The following PTPRD variants were observed in gnomAD, a reference collection of about 807,000 sequenced individuals.
The protein encoded by PTPRD is receptor-type tyrosine-protein phosphatase delta.
PTPRD carries 34 observed loss-of-function variants against 214.5 expected under a neutral mutation model. The ratio of observed to expected loss-of-function variants is 0.16; its 90% CI spans 0.12 to 0.21. The LOEUF is 0.21. Among genes scored for constraint, PTPRD ranks in the 10% least tolerant of loss-of-function variants. The pLI, the probability that PTPRD is intolerant of heterozygous loss-of-function variation, is 1.00. For synonymous variants in PTPRD, 1,128 were observed against 845.7 expected (o/e 1.33, Z -5.79); for missense variants, 2,545 against 2,398.7 (o/e 1.06, Z -1.27).
At chr9:8,346,533 C>T (rs1857779846) in intron 39 of PTPRD, among the ~76,000 whole-genome samples, 2 of 152,056 alleles carry the variant, frequency 1.3e-5, no homozygotes, top group African/African-American at 4.8e-5. Context: ...AATCTCAAGC[C>T]CTCCCTTTCC....
At chr9:9,419,505 T>G (rs1258254301) in intron 8 of PTPRD, among the ~76,000 whole-genome samples, 1 of 151,798 alleles carries the variant, frequency 6.6e-6, no homozygotes, top group Non-Finnish European at 1.5e-5. Context: ...TCCATGATGT[T>G]GGGAAGGTTT....
In PTPRD at chr9:8,518,111, C is replaced by T. The variant is rs2097819534; in HGVS notation, c.1280G>A (p.Arg427Gln). The change falls in exon 21 of 46, where the codon CGA (arginine) becomes CAA (glutamine). Residue 427 changes from arginine to glutamine, a missense_variant. Coordinates refer to ENST00000381196, the MANE Select transcript of PTPRD (RefSeq NM_002839.4). ...PSSAPRDVQA[R>Q]MLSSTTILVQ... ...CAAAATGGTGGTCGAACTCAACATT[C>T]GTGCCTGGACATCCCTCGGGGCACT... 4 of 1,614,124 alleles carry T rather than the reference C, an allele frequency of 2.5e-6. No homozygotes were observed. The highest frequency in any genetic ancestry group is 2.2e-5 in the East Asian group (1 of 44,876).
chr9:10,130,583 A>G (rs2098859092), intron 3 of PTPRD, among the ~76,000 whole-genome samples: 1 of 152,184 alleles, frequency 6.6e-6, no homozygotes, highest in Non-Finnish European at 1.5e-5. Context: ...ACTGAACTGC[A>G]TTAAACACAA....
intron 14 of PTPRD, among the ~76,000 whole-genome samples, chr9:8,601,507 A>T (rs74365815): frequency 0.038 from 5,803 of 152,088 alleles, 148 homozygotes; most frequent in Middle Eastern, 0.078. Flanking sequence ...TTTTTCTATG[A>T]CCTCACCCTT....
chr9:10,130,480 T>C (rs1269523070), intron 3 of PTPRD, among the ~76,000 whole-genome samples: 4 of 152,096 alleles, frequency 2.6e-5, no homozygotes, highest in African/African-American at 9.7e-5. Context: ...TTTTTCTACT[T>C]AACTGTGGGT....
At chr9:10,585,739 T>C (rs1246781367) in intron 2 of PTPRD, among the ~76,000 whole-genome samples, 1 of 151,402 alleles carries the variant, frequency 6.6e-6, no homozygotes, top group Non-Finnish European at 1.5e-5. Context: ...ACACCACACA[T>C]AACACACACA....
chr9:10,418,091 A>G (rs1206661577), intron 2 of PTPRD, among the ~76,000 whole-genome samples: 4 of 151,850 alleles, frequency 2.6e-5, no homozygotes, highest in Admixed American at 6.6e-5. Context: ...AATTAAAACT[A>G]CAAGGCAAAG....
intron 2 of PTPRD, among the ~76,000 whole-genome samples, chr9:10,580,269 G>C (rs1441979841): frequency 6.6e-6 from 1 of 152,138 alleles, no homozygotes; most frequent in Non-Finnish European, 1.5e-5. Context: ...ATCTTAGCTA[G>C]AGTGTGAAAT....
intron 5 of PTPRD, among the ~76,000 whole-genome samples, chr9:9,829,813 T>A (rs1184811994): frequency 1.3e-5 from 2 of 151,842 alleles, no homozygotes; most frequent in Non-Finnish European, 2.9e-5. Context: ...TTATTATTAC[T>A]TTTAAGAGAT....
chr9:8,808,553 G>C (rs1352770790), intron 11 of PTPRD, among the ~76,000 whole-genome samples: 3 of 138,700 alleles, frequency 2.2e-5, no homozygotes, highest in Admixed American at 8.1e-5. Flanking sequence ...CTAAAGCCCA[G>C]AGACACTCAA....
intron 7 of PTPRD, among the ~76,000 whole-genome samples, chr9:9,702,413 T>C (rs556404675): frequency 1.3e-5 from 2 of 152,324 alleles, no homozygotes; most frequent in African/African-American, 4.8e-5. Context: ...GGGCTTTTTC[T>C]GGGTCAGATG....
chr9:9,563,317 A>G (rs2083452393), intron 8 of PTPRD, among the ~76,000 whole-genome samples: 1 of 152,154 alleles, frequency 6.6e-6, no homozygotes, highest in Non-Finnish European at 1.5e-5. Flanking sequence ...TTATGGATAG[A>G]CTATTATAAG....
At chr9:9,074,677 A>G (rs763433506) in intron 10 of PTPRD, among the ~76,000 whole-genome samples, 2 of 151,902 alleles carry the variant, frequency 1.3e-5, no homozygotes, top group African/African-American at 4.8e-5. Flanking sequence ...AGAAATGTCT[A>G]TTCAGAGCTT....
Position 9,852,261 on chromosome 9 carries a change from A to G in PTPRD, c.-367-85410T>C, listed in dbSNP as rs575814687. 3.3e-5 allele frequency among the ~76,000 whole-genome samples: 5 copies of G among 152,290 alleles called. No individual in the cohort carries two copies. The South Asian group carries it at 1.0e-3, about 32-fold the overall frequency. ...TAGAAGAATCTTCCTTAGGGAAGAG[A>G]TGATGAGAGCAGTTGATCTAAAATC... On this transcript the variant is annotated intron_variant, in intron 5 of 45. Transcript: ENST00000381196.
chr9:9,619,287 G>A (rs1317907879), intron 7 of PTPRD, among the ~76,000 whole-genome samples: 1 of 151,860 alleles, frequency 6.6e-6, no homozygotes, highest in African/African-American at 2.4e-5. Context: ...GTATCATTTT[G>A]AGACTAGACG....
chr9:10,549,976 G>A (rs539441135), intron 2 of PTPRD, among the ~76,000 whole-genome samples: 2 of 152,148 alleles, frequency 1.3e-5, no homozygotes, highest in South Asian at 4.1e-4. Flanking sequence ...TGCCTTGAAC[G>A]TTTCCAAGTA....
At chr9:10,469,079 A>C (rs143394925) in intron 2 of PTPRD, among the ~76,000 whole-genome samples, 1 of 152,160 alleles carries the variant, frequency 6.6e-6, no homozygotes, top group African/African-American at 2.4e-5. Flanking sequence ...GTATATAGTA[A>C]GTATGTCTAC....
intron 2 of PTPRD, among the ~76,000 whole-genome samples, 182 bp downstream of exon 2, chr9:10,612,216 A>AAAAG: frequency 6.6e-6 from 1 of 151,232 alleles, no homozygotes; most frequent in Admixed American, 6.6e-5. Flanking sequence ...TCCAAAAAAA[A>AAAAG]AAAAAAAAGA....
intron 3 of PTPRD, among the ~76,000 whole-genome samples, chr9:10,062,443 T>C (rs1277850790): frequency 1.3e-5 from 2 of 151,846 alleles, no homozygotes; most frequent in African/African-American, 4.8e-5. Context: ...CCGTCTCTAC[T>C]AAAAATACAA....
Sources: gnomAD v4.1 joint callset for allele counts (sites outside exome capture counted in the v4.1 genomes callset) on GRCh38, gnomAD v4.1.1 for gene constraint, MANE v1.5 for transcripts, NCBI Gene and HGNC (gene_info 2026-07-23, HGNC 2026-07-21) for gene names.